The following NCAM1 variants were observed in gnomAD, a reference collection of about 807,000 sequenced individuals.
The protein encoded by NCAM1 is neural cell adhesion molecule 1.
A neutral mutation model predicts 109.8 loss-of-function variants in NCAM1; 14 were observed. That is an observed-to-expected ratio of 0.13 (90% CI 0.08 to 0.20). The LOEUF is 0.20. Among genes scored for constraint, NCAM1 ranks in the 10% least tolerant of loss-of-function variants. The pLI, the probability that NCAM1 is intolerant of heterozygous loss-of-function variation, is 1.00. For synonymous variants in NCAM1, 418 were observed against 442.9 expected (o/e 0.94, Z 0.70); for missense variants, 774 against 1,109.9 (o/e 0.70, Z 4.30).
At chr11:113,140,798 A>G (rs979652776) in intron 1 of NCAM1, among the ~76,000 whole-genome samples, 1 of 152,228 alleles carries the variant, frequency 6.6e-6, no homozygotes, top group African/African-American at 2.4e-5. Context: ...TTTATAAATT[A>G]TATGTATGTG....
At chr11:113,258,666 G>A (rs686503) in intron 16 of NCAM1, among the ~76,000 whole-genome samples, 24,357 of 152,084 alleles carry the variant, frequency 0.16, 2,357 homozygotes, top group African/African-American at 0.26. Flanking sequence ...TTCTAGCCCA[G>A]AGAAAAATAT....
At chr11:112,974,479 C>T (rs1950958278) in intron 1 of NCAM1, among the ~76,000 whole-genome samples, 1 of 151,918 alleles carries the variant, frequency 6.6e-6, no homozygotes, top group Non-Finnish European at 1.5e-5. Context: ...TGGGGGACAT[C>T]CATGTATATT....
chr11:112,979,470 C>A (rs1951093838), intron 1 of NCAM1, among the ~76,000 whole-genome samples: 1 of 151,686 alleles, frequency 6.6e-6, no homozygotes, highest in African/African-American at 2.4e-5. Context: ...TGAGCAATGG[C>A]AGAACAGTGG....
chr11:113,091,849 C>T (rs1012395903), intron 1 of NCAM1, among the ~76,000 whole-genome samples: 1 of 152,164 alleles, frequency 6.6e-6, no homozygotes, highest in African/African-American at 2.4e-5. Context: ...GGTTGCAAAG[C>T]CTCTTTCTTT....
At chr11:113,073,739 A>C (rs1047371949) in intron 1 of NCAM1, among the ~76,000 whole-genome samples, 1 of 152,210 alleles carries the variant, frequency 6.6e-6, no homozygotes, top group African/African-American at 2.4e-5. Context: ...CACCCGAGTC[A>C]GCTGGTGGTG....
intron 1 of NCAM1, among the ~76,000 whole-genome samples, chr11:113,186,504 T>A (rs570295934): frequency 6.6e-6 from 1 of 152,322 alleles, no homozygotes; most frequent in East Asian, 1.9e-4. Context: ...GAGGTTTGAT[T>A]AAGGCACAAG....
intron 1 of NCAM1, among the ~76,000 whole-genome samples, chr11:113,178,355 A>G (rs1444048812): frequency 1.3e-5 from 2 of 152,184 alleles, no homozygotes; most frequent in Non-Finnish European, 2.9e-5. Flanking sequence ...TTGACTTAAA[A>G]AAGGCTGCAG....
intron 1 of NCAM1, among the ~76,000 whole-genome samples, chr11:113,081,829 G>A (rs961720162): frequency 1.2e-4 from 18 of 152,216 alleles, no homozygotes; most frequent in East Asian, 3.9e-4. Flanking sequence ...CCATCGCGCC[G>A]TCTTTTCTTT....
intron 14 of NCAM1, chr11:113,246,102 ATTC>A (rs1945494369): frequency 9.6e-6 from 5 of 521,124 alleles, no homozygotes; most frequent in African/African-American, 7.6e-5. Flanking sequence ...ATGATTTATT[ATTC>A]TTCTATTTCT....
intron 19 of NCAM1, among the ~76,000 whole-genome samples, chr11:113,272,246 T>C (rs1350422324): frequency 6.6e-6 from 1 of 152,120 alleles, no homozygotes; most frequent in Non-Finnish European, 1.5e-5. Flanking sequence ...GTTTTCCCCC[T>C]GAAAGGATAA....
rs377478639 is a variant in NCAM1 at position 113,204,291 on chromosome 11, G to A, written c.133G>A (p.Gly45Arg). Residue 45 changes from glycine to arginine, a missense_variant, in exon 3 of 20, where the codon GGA becomes AGA. Gly to Arg is a moderately radical substitution (Grantham distance 125). Around this residue, in one of 4 missense-constraint regions of NCAM1, gnomAD observed 112 missense variants for 142.0 expected, o/e 0.79. Transcript: ENST00000316851. ...ESKFFLCQVA[G>R]DAKDKDISWF... is the part of the protein sequence containing the mutation. Reference sequence around the variant, plus strand: ...AATAATCTCTTCCTCTTTAGTGGCAGGAGATGCCAAAGATAAAGACATCTC... The same window carrying A: ...AATAATCTCTTCCTCTTTAGTGGCAAGAGATGCCAAAGATAAAGACATCTC... 1 of 1,609,438 alleles carries A rather than the reference G, an allele frequency of 6.2e-7. No homozygotes were observed. The highest frequency in any genetic ancestry group is 1.3e-5 in the African/African-American group (1 of 74,812).
chr11:113,036,288 G>T (rs1952881039), intron 1 of NCAM1, among the ~76,000 whole-genome samples: 1 of 151,986 alleles, frequency 6.6e-6, no homozygotes, highest in Non-Finnish European at 1.5e-5. Flanking sequence ...TCTCTTCCCA[G>T]CTCAACAGAA....
chr11:113,049,381 T>C (rs2135390101), intron 1 of NCAM1, among the ~76,000 whole-genome samples: 1 of 152,328 alleles, frequency 6.6e-6, no homozygotes, highest in East Asian at 1.9e-4. Flanking sequence ...TATTTAGAAA[T>C]GCCTTTGAAA....
At chr11:113,152,074 T>C (rs533590367) in intron 1 of NCAM1, among the ~76,000 whole-genome samples, 10 of 152,140 alleles carry the variant, frequency 6.6e-5, no homozygotes, top group Non-Finnish European at 1.3e-4. Context: ...CAGAAAAATA[T>C]AAGAAATGGT....
intron 1 of NCAM1, among the ~76,000 whole-genome samples, chr11:112,980,297 A>T (rs1199111782): frequency 6.6e-6 from 1 of 151,904 alleles, no homozygotes; most frequent in Non-Finnish European, 1.5e-5. Flanking sequence ...GTTCTTAAAC[A>T]GAGTTACCAT....
chr11:113,240,146 C>T (rs139934219), intron 14 of NCAM1, among the ~76,000 whole-genome samples: 3 of 152,278 alleles, frequency 2.0e-5, no homozygotes, highest in East Asian at 3.9e-4. Context: ...ATGGCTCTTA[C>T]GTAGCAGCCT....
Position 113,205,503 on chromosome 11 carries a change from C to G in NCAM1, c.347-20C>G. ...TGAGAGAAGCAGCTGTTTTCCCTCA[C>G]TCTTCTGTTCATCTTCCAGAGAAGC... On this transcript the variant is annotated intron_variant, in intron 3 of 19. Coordinates refer to ENST00000316851, the MANE Select transcript of NCAM1 (RefSeq NM_181351.5). 1 of 1,603,230 alleles carries G rather than the reference C, an allele frequency of 6.2e-7. No homozygotes were observed. Among genetic ancestry groups the G allele is most frequent in the Admixed American group, 1.7e-5 (1 of 58,496 alleles).
rs897094921 is a variant in NCAM1 at position 113,274,184 on chromosome 11, G to T, written c.2457-1083G>T. ...AAGAAAAGAGGTAGGCCCCAGGCCCGTGGCAGGGGAGGGTGCAGTTCAGAG... is the reference window on the plus strand; with the variant it reads ...AAGAAAAGAGGTAGGCCCCAGGCCCTTGGCAGGGGAGGGTGCAGTTCAGAG... On this transcript the variant is annotated intron_variant, in intron 19 of 19. Transcript: ENST00000316851. The surrounding 1 kb of genome is among the most constrained non-coding windows in gnomAD (Gnocchi z 4.1). Among the ~76,000 whole-genome samples, 1 of 152,114 alleles carries T rather than the reference G, an allele frequency of 6.6e-6. No homozygotes were observed. The highest frequency in any genetic ancestry group is 2.1e-4 in the South Asian group (1 of 4,828).
At chr11:112,985,599 T>C (rs1193081515) in intron 1 of NCAM1, among the ~76,000 whole-genome samples, 2 of 150,504 alleles carry the variant, frequency 1.3e-5, no homozygotes, top group Non-Finnish European at 3.0e-5. Flanking sequence ...CAATGTTGTG[T>C]AGTTTTCTGT....
Sources: allele counts gnomAD v4.1 joint callset (sites outside exome capture counted in the v4.1 genomes callset), GRCh38; gene constraint gnomAD v4.1.1; regional missense constraint gnomAD v4.1.1; non-coding constraint Gnocchi (gnomAD v3.1); transcripts MANE v1.5; gene names NCBI Gene and HGNC (gene_info 2026-07-23, HGNC 2026-07-21).